AGBL4: variants seen among roughly 807,000 people sequenced by gnomAD.
AGBL4 encodes the protein cytosolic carboxypeptidase 6.
Under a neutral mutation model 66.4 loss-of-function variants are expected in AGBL4, and 58 were observed. That is an observed-to-expected ratio of 0.87 (90% CI 0.71 to 1.09). The LOEUF is 1.09. AGBL4 is among the 50% of genes least tolerant of loss of function. The probability of loss-of-function intolerance (pLI) is 0.00; values close to 1 mark genes in which losing one functional copy is unlikely to be tolerated. For missense variants in AGBL4, 579 were observed against 631.0 expected (o/e 0.92, Z 0.88); for synonymous variants, 234 against 222.9 (o/e 1.05, Z -0.44).
At chr1:49,656,703 T>A (rs1189001859) in intron 3 of AGBL4, among the ~76,000 whole-genome samples, 1 of 152,144 alleles carries the variant, frequency 6.6e-6, no homozygotes, top group Admixed American at 6.5e-5. Flanking sequence ...TGGTTCATCA[T>A]ACGCAAATCA....
chr1:48,679,485 C>T (rs1344563036), intron 6 of AGBL4, among the ~76,000 whole-genome samples: 10 of 152,058 alleles, frequency 6.6e-5, no homozygotes, highest in South Asian at 2.1e-4. Context: ...TGACCACAGC[C>T]GTGGGAACCT....
rs147612093 is a variant in AGBL4 at position 49,115,878 on chromosome 1, G to A, written c.378-70078C>T. Among the ~76,000 whole-genome samples the A allele has an allele frequency of 1.1e-4, 16 of 152,056 alleles. 1 individual carries two copies. Among genetic ancestry groups the A allele is most frequent in the African/African-American group, 3.1e-4 (13 of 41,466 alleles). On this transcript the variant is annotated intron_variant, in intron 4 of 13. Transcript: ENST00000371839. ...ACATATCAAAACCTGGTAATGTGTC[G>A]GTGGCTGGGGAGAAGAATACCAAGA... is the stretch of plus-strand genomic sequence containing the variant.
intron 5 of AGBL4, among the ~76,000 whole-genome samples, chr1:48,886,842 C>T (rs749085216): frequency 3.9e-5 from 6 of 152,168 alleles, no homozygotes; most frequent in Non-Finnish European, 4.4e-5. Context: ...TGAGCCACCG[C>T]GCCCAGCCAC....
At chr1:48,624,514 A>C (rs763283150) in intron 9 of AGBL4, among the ~76,000 whole-genome samples, 9 of 152,220 alleles carry the variant, frequency 5.9e-5, no homozygotes, top group Non-Finnish European at 1.2e-4. Flanking sequence ...CATGATGTGC[A>C]CCTTAACCAG....
At chr1:48,837,705 C>T (rs1185544083) in intron 6 of AGBL4, among the ~76,000 whole-genome samples, 1,955 of 90,226 alleles carry the variant, frequency 0.022, 23 homozygotes, top group Non-Finnish European at 0.033. Flanking sequence ...CACGCACACA[C>T]ACACACTATA....
At chr1:49,042,080 T>C (rs1643956364) in intron 5 of AGBL4, among the ~76,000 whole-genome samples, 1 of 152,102 alleles carries the variant, frequency 6.6e-6, no homozygotes. Flanking sequence ...ATCAGAGCTA[T>C]TTTGAGATGT....
intron 3 of AGBL4, among the ~76,000 whole-genome samples, chr1:49,582,647 C>A (rs1342529975): frequency 6.6e-6 from 1 of 152,170 alleles, no homozygotes; most frequent in Non-Finnish European, 1.5e-5. Context: ...TGACTAAGGC[C>A]AATAGTTTCC....
intron 1 of AGBL4, among the ~76,000 whole-genome samples, chr1:49,968,363 A>C (rs1165041694): frequency 6.6e-6 from 1 of 152,190 alleles, no homozygotes; most frequent in Non-Finnish European, 1.5e-5. Context: ...TGCATTTTTC[A>C]CATAGAAAAA....
chr1:48,696,306 G>C (rs1185686928), intron 6 of AGBL4, among the ~76,000 whole-genome samples: 1 of 152,102 alleles, frequency 6.6e-6, no homozygotes, highest in African/African-American at 2.4e-5. Context: ...TATTACACTT[G>C]TCACTCACGT....
intron 3 of AGBL4, among the ~76,000 whole-genome samples, chr1:49,250,954 A>T (rs1652011763): frequency 6.6e-6 from 1 of 152,158 alleles, no homozygotes; most frequent in Admixed American, 6.6e-5. Flanking sequence ...GAGCACCGCC[A>T]GGGACCACCA....
At chr1:48,931,526 C>T (rs1262532826) in intron 5 of AGBL4, among the ~76,000 whole-genome samples, 6 of 151,978 alleles carry the variant, frequency 3.9e-5, no homozygotes, top group Non-Finnish European at 8.8e-5. Flanking sequence ...CTCTTTCTCT[C>T]TCTTTTTTTT....
At chr1:48,742,714 A>G (rs996357621) in intron 6 of AGBL4, 1 of 1,611,112 alleles carries the variant, frequency 6.2e-7, no homozygotes, top group Non-Finnish European at 8.5e-7. Context: ...AGTGCTCCGT[A>G]ACTCCGGCTC....
intron 5 of AGBL4, among the ~76,000 whole-genome samples, chr1:48,886,951 C>T (rs1285795997): frequency 6.6e-6 from 1 of 152,108 alleles, no homozygotes; most frequent in Non-Finnish European, 1.5e-5. Flanking sequence ...ATGAGGTCAA[C>T]AGATAAGTGT....
intron 5 of AGBL4, among the ~76,000 whole-genome samples, chr1:48,872,417 G>A (rs1023437647): frequency 6.6e-6 from 1 of 152,028 alleles, no homozygotes; most frequent in Admixed American, 6.5e-5. Flanking sequence ...CTGTGATTTT[G>A]TTTCTAATCT....
intron 4 of AGBL4, among the ~76,000 whole-genome samples, chr1:49,227,893 G>C (rs913355885): frequency 1.3e-5 from 2 of 152,056 alleles, no homozygotes; most frequent in Non-Finnish European, 2.9e-5. Flanking sequence ...CTGTTCAAGA[G>C]TCTCCTGTCT....
At chr1:48,552,550 G>A (rs1644264465) in intron 11 of AGBL4, among the ~76,000 whole-genome samples, 2 of 152,346 alleles carry the variant, frequency 1.3e-5, no homozygotes, top group South Asian at 4.1e-4. Context: ...AAATGATTCT[G>A]TGTTGTGGGG....
At chr1:49,673,949 C>T (rs1051908811) in intron 3 of AGBL4, among the ~76,000 whole-genome samples, 4 of 151,944 alleles carry the variant, frequency 2.6e-5, no homozygotes, top group Non-Finnish European at 4.4e-5. Context: ...GAAGCTGGTG[C>T]TTGAATGATG....
rs564905309 is a variant in AGBL4, at chr1:49,498,528, T to C, written c.282+198785A>G. Among the ~76,000 whole-genome samples the C allele has an allele frequency of 8.6e-5, 13 of 151,850 alleles. No individual in the cohort carries two copies. The East Asian group carries it at 1.4e-3, about 16-fold the overall frequency. ...AGAATTATCTTTTTAAAGGCTAATATAATATTCCGTTGTGTATATATACTA... is the reference window on the plus strand; with the variant it reads ...AGAATTATCTTTTTAAAGGCTAATACAATATTCCGTTGTGTATATATACTA... On this transcript the variant is annotated intron_variant, in intron 3 of 13. Transcript: ENST00000371839.
intron 2 of AGBL4, among the ~76,000 whole-genome samples, chr1:49,714,252 G>T (rs1647900291): frequency 6.6e-6 from 1 of 151,802 alleles, no homozygotes; most frequent in African/African-American, 2.4e-5. Flanking sequence ...TTTGTAACAT[G>T]GATATATTGC....
Sources: gnomAD v4.1 joint callset for allele counts (sites outside exome capture counted in the v4.1 genomes callset) on GRCh38, gnomAD v4.1.1 for gene constraint, MANE v1.5 for transcripts, NCBI Gene and HGNC (gene_info 2026-07-23, HGNC 2026-07-21) for gene names.